The following ZNF831 variants were observed in gnomAD, a reference collection of about 807,000 sequenced individuals.
The protein encoded by ZNF831 is zinc finger protein 831.
A neutral mutation model predicts 95.8 loss-of-function variants in ZNF831; 59 were observed. The observed-to-expected ratio is 0.62, with a 90% CI of 0.50 to 0.77. The LOEUF (loss-of-function observed/expected upper bound fraction) is 0.77, where lower values mean the gene tolerates loss of function less well. Ranked by LOEUF, ZNF831 falls within the 30% of genes least tolerant of loss-of-function variation. The pLI is 0.00. For missense variants in ZNF831, 2,205 were observed against 2,164.0 expected, an observed-to-expected ratio of 1.02 and a Z score of -0.38; for synonymous variants, 961 against 925.5, an observed-to-expected ratio of 1.04 and a Z score of -0.70.
intron 1 of ZNF831, among the ~76,000 whole-genome samples, chr20:59,182,999 T>C (rs1055547269): frequency 5.3e-5 from 8 of 152,184 alleles, no homozygotes; most frequent in African/African-American, 1.9e-4. Context: ...TAATTTCCCT[T>C]TGGGTCCTGG....
chr20:59,224,113 C>T (rs926634774), intron 4 of ZNF831, among the ~76,000 whole-genome samples: 1 of 152,218 alleles, frequency 6.6e-6, no homozygotes, highest in Non-Finnish European at 1.5e-5. Context: ...ACTTTGAGTA[C>T]CCTCGCACCA....
At chr20:59,211,612 G>A (rs1212561804) in intron 4 of ZNF831, among the ~76,000 whole-genome samples, 1 of 152,298 alleles carries the variant, frequency 6.6e-6, no homozygotes, top group Non-Finnish European at 1.5e-5. Flanking sequence ...AGAGTGACAG[G>A]CACTCTGAGG....
chr20:59,140,435 C>A (rs1424834356), intron 1 of ZNF831, among the ~76,000 whole-genome samples: 1 of 152,154 alleles, frequency 6.6e-6, no homozygotes, highest in Non-Finnish European at 1.5e-5. Flanking sequence ...GAACAGTAAA[C>A]CACAGAACTT....
upstream of ZNF831, among the ~76,000 whole-genome samples, chr20:59,159,184 A>C (rs1601311443): frequency 6.6e-6 from 1 of 152,278 alleles, no homozygotes. Flanking sequence ...TTTACTTCAC[A>C]GACCCACCAA....
chr20:59,208,028 G>A lies in ZNF831; in HGVS notation c.4027+972G>A, dbSNP rs997208223. ...GCCTTCCAGGGTAGGCAAGGACATG[G>A]AGTAGTCTTGTTTCCCAGAGAGAAT... On this transcript the variant is annotated intron_variant, in intron 4 of 5. Coordinates refer to ENST00000371030, the MANE Select transcript of ZNF831 (RefSeq NM_178457.3). This position sits in a 1 kb window ranked among gnomAD's most constrained non-coding sequence, Gnocchi z 4.2. Among the ~76,000 whole-genome samples, 1 of 152,254 alleles carries A rather than the reference G, an allele frequency of 6.6e-6. No individual in the cohort carries two copies. The highest frequency in any genetic ancestry group is 2.4e-5 in the African/African-American group (1 of 41,462).
chr20:59,218,588 C>A (rs73135123), intron 4 of ZNF831, among the ~76,000 whole-genome samples: 14,270 of 150,242 alleles, frequency 0.095, 742 homozygotes, highest in South Asian at 0.16. Context: ...CTTGTGTTAG[C>A]GTGACTGTTT....
rs1983457801 is a variant in ZNF831, at chr20:59,191,055, T to A, written c.36T>A (p.Pro12=). The A allele has an allele frequency of 6.7e-7, 1 of 1,497,870 alleles. No individual in the cohort carries two copies. 92.8% of individuals were successfully genotyped at this position (1,497,870 alleles called of 1,614,324 possible). Residue 12 remains proline, a synonymous_variant, in exon 2 of 6, where the codon CCT becomes CCA. Transcript: ENST00000371030. Reference sequence around the variant, plus strand: ...CAGAACCCACCTGCCCTGCCCCTCCTGCGAGGGACCAGCCAGCTCCCACTC... The same window carrying A: ...CAGAACCCACCTGCCCTGCCCCTCCAGCGAGGGACCAGCCAGCTCCCACTC... The part of the protein sequence containing the change: ...EVPEPTCPAP[P]ARDQPAPTPG...
At chr20:59,242,890 C>G (rs571825399) in intron 4 of ZNF831, among the ~76,000 whole-genome samples, 1 of 152,302 alleles carries the variant, frequency 6.6e-6, no homozygotes, top group African/African-American at 2.4e-5. Context: ...CTCAGACTCT[C>G]AAAGCAGATG....
At chr20:59,253,862 C>A (rs762669754) in intron 5 of ZNF831, 36 bp from the exon 6 acceptor site, 2 of 1,070,944 alleles carry the variant, frequency 1.9e-6, no homozygotes, top group South Asian at 3.5e-5. Flanking sequence ...ATTAACCTCC[C>A]CCCCCACTTT....
At chr20:59,157,855 TA>T (rs1343679184) in intron 2 of ZNF831, among the ~76,000 whole-genome samples, 51 of 152,138 alleles carry the variant, frequency 3.4e-4, no homozygotes, top group Admixed American at 3.3e-3. Context: ...CTCTTCCCTT[TA>T]AAAAAACAAA....
Position 59,192,651 on chromosome 20 carries a change from C to T in ZNF831, c.1632C>T (p.Cys544=), listed in dbSNP as rs2146569104. 2 of 1,507,454 alleles carry T rather than the reference C, an allele frequency of 1.3e-6. No individual in the cohort carries two copies. Among genetic ancestry groups the T allele is most frequent in the South Asian group, 1.3e-5 (1 of 75,954 alleles). The allele number at this position is 1,507,454 out of a possible 1,614,324, so 93.4% of individuals were successfully genotyped here. ...SPRPGPARLG[C]RSGLSSTDVP... is the part of the protein sequence containing the mutation. ...GGCCCGGCCCAGCCCGCCTGGGCTGCCGCTCGGGACTAAGCTCGACTGACG... is the reference window on the plus strand; with the variant it reads ...GGCCCGGCCCAGCCCGCCTGGGCTGTCGCTCGGGACTAAGCTCGACTGACG... Residue 544 remains cysteine, a synonymous_variant, in exon 2 of 6, where the codon TGC becomes TGT. Coordinates refer to ENST00000371030, the MANE Select transcript of ZNF831 (RefSeq NM_178457.3). This position sits in a 1 kb window ranked among gnomAD's most constrained non-coding sequence, Gnocchi z 5.2.
chr20:59,228,938 T>C (rs1360107516), intron 4 of ZNF831, among the ~76,000 whole-genome samples: 1 of 152,230 alleles, frequency 6.6e-6, no homozygotes, highest in Non-Finnish European at 1.5e-5. Flanking sequence ...TTGTACGCCT[T>C]CACAAGTTTT....
rs778876349 is a variant in ZNF831, at chr20:59,191,213, C to T, written c.194C>T (p.Thr65Met). 3.3e-5 allele frequency: 52 copies of T among 1,564,292 alleles called. No individual in the cohort carries two copies. Among genetic ancestry groups the T allele is most frequent in the Non-Finnish European group, 4.2e-5 (49 of 1,157,180 alleles). ...LKALPIPLYH[T>M]VPPGGLQPRA... is the part of the protein sequence containing the mutation. ...GCCCTGCCCATCCCACTGTACCACA[C>T]GGTGCCTCCCGGGGGCCTCCAGCCC... is the stretch of plus-strand genomic sequence containing the variant. The change falls in exon 2 of 6, where the codon ACG becomes ATG. Residue 65 changes from threonine to methionine, a missense_variant. Coordinates refer to ENST00000371030, the MANE Select transcript of ZNF831 (RefSeq NM_178457.3).
chr20:59,235,540 T>C (rs1321263233), intron 4 of ZNF831, among the ~76,000 whole-genome samples: 2 of 152,170 alleles, frequency 1.3e-5, no homozygotes, highest in East Asian at 1.9e-4. Flanking sequence ...AAGTTCATTA[T>C]AGTCTTTACC....
chr20:59,150,386 T>C (rs576416188), intron 2 of ZNF831, among the ~76,000 whole-genome samples: 1 of 152,274 alleles, frequency 6.6e-6, no homozygotes, highest in African/African-American at 2.4e-5. Flanking sequence ...TCAGATAAAA[T>C]ACAGGATGCC....
chr20:59,189,161 A>G (rs1287896157), intron 1 of ZNF831, among the ~76,000 whole-genome samples: 1 of 152,156 alleles, frequency 6.6e-6, no homozygotes, highest in Non-Finnish European at 1.5e-5. Context: ...AGCCTGGGCA[A>G]CACAGCAGGA....
intron 1 of ZNF831, among the ~76,000 whole-genome samples, chr20:59,180,707 T>G (rs943934330): frequency 6.6e-6 from 1 of 152,234 alleles, no homozygotes; most frequent in Non-Finnish European, 1.5e-5. Context: ...CATGAACTCA[T>G]TCTTTTTTAT....
intron 4 of ZNF831, among the ~76,000 whole-genome samples, chr20:59,239,481 C>T (rs1987189305): frequency 6.6e-6 from 1 of 151,714 alleles, no homozygotes; most frequent in South Asian, 2.1e-4. Context: ...AGTTTCCCCC[C>T]TTCTTTCATC....
chr20:59,138,205 G>A (rs1451506004), intron 1 of ZNF831, among the ~76,000 whole-genome samples: 2 of 152,150 alleles, frequency 1.3e-5, no homozygotes, highest in Admixed American at 6.5e-5. Context: ...GTGGAAATTA[G>A]GTGTAATTCA....
Sources: gnomAD v4.1 joint callset for allele counts (sites outside exome capture counted in the v4.1 genomes callset) on GRCh38, gnomAD v4.1.1 for gene constraint, Gnocchi (gnomAD v3.1) non-coding constraint, MANE v1.5 for transcripts, NCBI Gene and HGNC (gene_info 2026-07-23, HGNC 2026-07-21) for gene names.